Variants in SLC4A10 observed in about 807,000 individuals in gnomAD.
SLC4A10 encodes sodium-driven chloride bicarbonate exchanger.
SLC4A10 carries 42 observed loss-of-function variants against 137.7 expected under a neutral mutation model. The ratio of observed to expected loss-of-function variants is 0.30; its 90% CI spans 0.24 to 0.39. The LOEUF is 0.39. Ranked by LOEUF, SLC4A10 falls within the 10% of genes least tolerant of loss-of-function variation. The pLI, the probability that SLC4A10 is intolerant of heterozygous loss-of-function variation, is 1.00. For synonymous variants in SLC4A10, 474 were observed against 464.1 expected (o/e 1.02, Z -0.27); for missense variants, 925 against 1,355.0 (o/e 0.68, Z 4.98).
chr2:161,956,243 A>G (rs959905398), intron 19 of SLC4A10, among the ~76,000 whole-genome samples: 2 of 152,166 alleles, frequency 1.3e-5, no homozygotes, highest in African/African-American at 2.4e-5. Flanking sequence ...TACTATCATC[A>G]TCATCGTTTT....
intron 3 of SLC4A10, among the ~76,000 whole-genome samples, chr2:161,813,058 T>C (rs999078834): frequency 3.3e-5 from 5 of 152,120 alleles, no homozygotes; most frequent in Non-Finnish European, 7.4e-5. Context: ...TTTATTTTTT[T>C]CTGGTTGGTA....
chr2:161,631,105 A>G (rs1367519985), intron 1 of SLC4A10, among the ~76,000 whole-genome samples: 1 of 151,710 alleles, frequency 6.6e-6, no homozygotes, highest in Non-Finnish European at 1.5e-5. Context: ...CCTTAGAGAC[A>G]TAAAGTAGAT....
chr2:161,711,267 T>A (rs1033039017), intron 1 of SLC4A10, among the ~76,000 whole-genome samples: 1 of 151,806 alleles, frequency 6.6e-6, no homozygotes, highest in Non-Finnish European at 1.5e-5. Flanking sequence ...CAGCTCAACA[T>A]AGAGACTTGA....
At chr2:161,773,032 T>C (rs1295432573) in intron 2 of SLC4A10, among the ~76,000 whole-genome samples, 1 of 151,902 alleles carries the variant, frequency 6.6e-6, no homozygotes, top group African/African-American at 2.4e-5. Flanking sequence ...ATAATGACTA[T>C]GGTAATTCAT....
Position 161,652,228 on chromosome 2 carries a change from A to T in SLC4A10, c.48+27662A>T, listed in dbSNP as rs140979002. Among the ~76,000 whole-genome samples, 589 of 152,292 alleles carry T rather than the reference A, an allele frequency of 3.9e-3. 3 individuals carry two copies. The highest frequency in any genetic ancestry group is 0.027 in the Middle Eastern group (8 of 294). ...TTTGTACTTTTTGTTCTGTGAAGAA[A>T]ATTTATCCCTTATCTTCCATTTATC... On this transcript the variant is annotated intron_variant, in intron 1 of 26. Transcript: ENST00000446997.
chr2:161,886,144 A>T (rs1353124963), intron 10 of SLC4A10, among the ~76,000 whole-genome samples: 1 of 152,200 alleles, frequency 6.6e-6, no homozygotes, highest in Non-Finnish European at 1.5e-5. Flanking sequence ...ACATATTAAC[A>T]TAAATAATAC....
At chr2:161,705,281 G>A (rs917325888) in intron 1 of SLC4A10, among the ~76,000 whole-genome samples, 9 of 151,348 alleles carry the variant, frequency 5.9e-5, no homozygotes, top group Non-Finnish European at 1.3e-4. Flanking sequence ...TTTGACCTTG[G>A]CCCTACTAAT....
At chr2:161,850,283 T>G (rs1187377715) in intron 4 of SLC4A10, among the ~76,000 whole-genome samples, 1 of 152,054 alleles carries the variant, frequency 6.6e-6, no homozygotes, top group Non-Finnish European at 1.5e-5. Context: ...TCCCAGCTAC[T>G]TGTGATGTGA....
chr2:161,983,390 T>C lies in SLC4A10; in HGVS notation c.*238T>C. On this transcript the variant is annotated 3_prime_UTR_variant, in exon 27 of 27. Transcript: ENST00000446997. ...AGTAGTGCAATACTTGTTTCATTTC[T>C]GTGTTTAAACTTCTGAGCAGTGAGA... is the stretch of plus-strand genomic sequence containing the variant. 1 of 698,352 alleles carries C rather than the reference T, an allele frequency of 1.4e-6. No homozygotes were observed. The highest frequency in any genetic ancestry group is 2.3e-6 in the Non-Finnish European group (1 of 427,590). 43.3% of individuals were successfully genotyped at this position (698,352 alleles called of 1,614,324 possible).
At chr2:161,729,962 T>C (rs889682853) in intron 1 of SLC4A10, among the ~76,000 whole-genome samples, 44 of 152,160 alleles carry the variant, frequency 2.9e-4, no homozygotes, top group African/African-American at 9.9e-4. Context: ...TGCTGGAATA[T>C]AAAGCCGGCC....
chr2:161,755,892 C>T (rs1355983043), intron 1 of SLC4A10, among the ~76,000 whole-genome samples: 2 of 151,754 alleles, frequency 1.3e-5, no homozygotes, highest in Non-Finnish European at 2.9e-5. Context: ...GCCTCAGCCT[C>T]TCAAGTAGCT....
chr2:161,722,574 C>A (rs2045799196), intron 1 of SLC4A10, among the ~76,000 whole-genome samples: 1 of 152,160 alleles, frequency 6.6e-6, no homozygotes, highest in Admixed American at 6.5e-5. Context: ...AGAGGAGCAC[C>A]AACCTGATGC....
intron 1 of SLC4A10, among the ~76,000 whole-genome samples, chr2:161,693,375 A>T (rs561337720): frequency 6.6e-6 from 1 of 152,060 alleles, no homozygotes; most frequent in Admixed American, 6.6e-5. Flanking sequence ...CTCAAAAATG[A>T]CAGAATAAAA....
At chr2:161,871,552 C>T (rs147369593) in intron 6 of SLC4A10, among the ~76,000 whole-genome samples, 5 of 152,158 alleles carry the variant, frequency 3.3e-5, no homozygotes, top group African/African-American at 1.2e-4. Flanking sequence ...CTACTATCCA[C>T]TTAATTCTCA....
Position 161,893,987 on chromosome 2 carries a change from G to C in SLC4A10, c.1195-692G>C, listed in dbSNP as rs184184888. Reference sequence around the variant, plus strand: ...ACTTAACCCCACTGAAAGTTGAGGAGCCTACTCAATGCATGTCACTTTTGC... The same window carrying C: ...ACTTAACCCCACTGAAAGTTGAGGACCCTACTCAATGCATGTCACTTTTGC... On this transcript the variant is annotated intron_variant, in intron 10 of 26. Coordinates refer to ENST00000446997, the MANE Select transcript of SLC4A10 (RefSeq NM_001178015.2). Among the ~76,000 whole-genome samples, 535 of 152,088 alleles carry C rather than the reference G, an allele frequency of 3.5e-3. 6 individuals carry two copies. The highest frequency in any genetic ancestry group is 0.012 in the African/African-American group (506 of 41,488).
intron 4 of SLC4A10, among the ~76,000 whole-genome samples, chr2:161,840,947 C>T (rs983159787): frequency 9.2e-5 from 14 of 151,980 alleles, no homozygotes; most frequent in African/African-American, 2.9e-4. Flanking sequence ...CTGGAGGAGG[C>T]GATTCTTGAG....
chr2:161,942,115 C>T (rs1047584968), intron 15 of SLC4A10, among the ~76,000 whole-genome samples: 3 of 152,062 alleles, frequency 2.0e-5, no homozygotes, highest in Non-Finnish European at 4.4e-5. Context: ...AATGGCAATT[C>T]GGTTCTATAG....
At chr2:161,873,811 C>T in intron 7 of SLC4A10, 105 bp from the exon 8 acceptor site, 3 of 1,157,188 alleles carry the variant, frequency 2.6e-6, no homozygotes, top group Non-Finnish European at 3.7e-6. Flanking sequence ...CTGACAATGC[C>T]TAAATAATCT....
chr2:161,765,497 C>T (rs2050706238), intron 1 of SLC4A10, among the ~76,000 whole-genome samples: 1 of 151,588 alleles, frequency 6.6e-6, no homozygotes, highest in South Asian at 2.1e-4. Context: ...AGCCCAGTTA[C>T]TCAGGAGGCT....
Sources: allele counts gnomAD v4.1 joint callset (sites outside exome capture counted in the v4.1 genomes callset), GRCh38; gene constraint gnomAD v4.1.1; transcripts MANE v1.5; gene names NCBI Gene and HGNC (gene_info 2026-07-23, HGNC 2026-07-21).